AFG2A: variants seen among roughly 807,000 people sequenced by gnomAD.
AFG2A encodes the protein ATPase family gene 2 protein homolog A.
At chr4:122,957,051 G>A in the AFG2A span, among the ~76,000 whole-genome samples, 1 of 152,034 alleles carries the variant, frequency 6.6e-6, no homozygotes, top group Non-Finnish European at 1.5e-5. Context: ...GATTGGAGTA[G>A]ATGATATTTT....
At chr4:123,064,766 T>C in the AFG2A span, among the ~76,000 whole-genome samples, 1 of 152,204 alleles carries the variant, frequency 6.6e-6, no homozygotes, top group East Asian at 1.9e-4. Context: ...GATTACTTAG[T>C]AGTGCCAAAC....
the AFG2A span, chr4:122,979,468 C>G: frequency 7.7e-4 from 1,096 of 1,424,684 alleles, 4 homozygotes; most frequent in African/African-American, 0.011. Flanking sequence ...GACTGACTTC[C>G]TAGGCTAAAC....
the AFG2A span, among the ~76,000 whole-genome samples, chr4:122,957,093 C>T: frequency 2.7e-5 from 4 of 150,384 alleles, no homozygotes; most frequent in Non-Finnish European, 4.4e-5. Flanking sequence ...ATTCCCTGGA[C>T]GTAAGGGAGA....
At chr4:123,304,828 T>C in the AFG2A span, among the ~76,000 whole-genome samples, 1 of 152,094 alleles carries the variant, frequency 6.6e-6, no homozygotes. Context: ...GTGGATTCAG[T>C]GTGCAGCTGC....
chr4:123,185,737 A>G, the AFG2A span, among the ~76,000 whole-genome samples: 1 of 152,180 alleles, frequency 6.6e-6, no homozygotes, highest in East Asian at 1.9e-4. Context: ...AACTAAAAAT[A>G]TGTTCCTGTT....
the AFG2A span, among the ~76,000 whole-genome samples, chr4:123,184,039 T>A: frequency 6.6e-6 from 1 of 152,068 alleles, no homozygotes; most frequent in Admixed American, 6.6e-5. Flanking sequence ...CAAGTGATCC[T>A]CCCAACTTGG....
chr4:123,171,876 T>A, the AFG2A span, among the ~76,000 whole-genome samples: 1 of 152,110 alleles, frequency 6.6e-6, no homozygotes, highest in Non-Finnish European at 1.5e-5. Flanking sequence ...GTTTAAAATT[T>A]TCCTTTTTCT....
the AFG2A span, among the ~76,000 whole-genome samples, chr4:122,944,710 C>G: frequency 1.1e-4 from 17 of 152,154 alleles, no homozygotes; most frequent in Non-Finnish European, 2.4e-4. Flanking sequence ...AGGAGAGGCA[C>G]TCTGCTTTTT....
At chr4:122,940,285 T>C in the AFG2A span, among the ~76,000 whole-genome samples, 55 of 150,090 alleles carry the variant, frequency 3.7e-4, no homozygotes, top group East Asian at 7.7e-4. Flanking sequence ...ACATCCTCTC[T>C]AGCACCTGTT....
chr4:123,046,825 A>G, the AFG2A span, among the ~76,000 whole-genome samples: 1 of 152,092 alleles, frequency 6.6e-6, no homozygotes, highest in South Asian at 2.1e-4. Flanking sequence ...GGTAACCACC[A>G]TTCTACGCTT....
At chr4:122,999,237 A>T in the AFG2A span, among the ~76,000 whole-genome samples, 186 of 151,090 alleles carry the variant, frequency 1.2e-3, 1 homozygote, top group Non-Finnish European at 2.2e-3. Flanking sequence ...GGTTGTGAAA[A>T]TTTTCTCCCA....
At chr4:123,002,681 G>A in the AFG2A span, among the ~76,000 whole-genome samples, 1,836 of 152,270 alleles carry the variant, frequency 0.012, 40 homozygotes, top group African/African-American at 0.041. Flanking sequence ...TCCGCTGTTA[G>A]TCTGATGGGC....
the AFG2A span, among the ~76,000 whole-genome samples, chr4:123,261,066 C>T: frequency 6.6e-6 from 1 of 152,284 alleles, no homozygotes; most frequent in East Asian, 1.9e-4. Flanking sequence ...CGCCTGAGAA[C>T]AGTTTCATTC....
the AFG2A span, among the ~76,000 whole-genome samples, chr4:122,931,953 A>G: frequency 2.0e-5 from 3 of 152,126 alleles, no homozygotes; most frequent in Admixed American, 1.3e-4. Flanking sequence ...AGGATTGACT[A>G]TATTGTATTA....
the AFG2A span, among the ~76,000 whole-genome samples, chr4:123,098,389 C>T: frequency 6.6e-6 from 1 of 151,866 alleles, no homozygotes; most frequent in African/African-American, 2.4e-5. Flanking sequence ...ACACTTAAAA[C>T]CAACTCTCTT....
At chr4:123,081,200 C>T in the AFG2A span, among the ~76,000 whole-genome samples, 4 of 152,178 alleles carry the variant, frequency 2.6e-5, no homozygotes, top group Non-Finnish European at 5.9e-5. Context: ...ATATATCTAC[C>T]ATGATACTGT....
At chr4:123,063,753 A>G in the AFG2A span, among the ~76,000 whole-genome samples, 50 of 152,272 alleles carry the variant, frequency 3.3e-4, no homozygotes, top group African/African-American at 1.0e-3. Flanking sequence ...CAAAAAAAAA[A>G]AAGAAGAAGA....
chr4:122,938,330 C>G, the AFG2A span: 1 of 1,316,340 alleles, frequency 7.6e-7, no homozygotes, highest in Non-Finnish European at 9.8e-7. Flanking sequence ...TTGAATGTGT[C>G]AGAGTCTTTG....
chr4:123,028,279 C>G, the AFG2A span: 1 of 1,614,114 alleles, frequency 6.2e-7, no homozygotes, highest in Non-Finnish European at 8.5e-7. Flanking sequence ...GTCTTTCATT[C>G]GAATGGGTAT....
Sources: gnomAD v4.1 joint callset for allele counts (sites outside exome capture counted in the v4.1 genomes callset) on GRCh38, gnomAD v4.1.1 for gene constraint, MANE v1.5 for transcripts, NCBI Gene and HGNC (gene_info 2026-07-23, HGNC 2026-07-21) for gene names.